BCAR3: variants seen among roughly 807,000 people sequenced by gnomAD.
BCAR3 encodes the protein BCAR3 adaptor protein, NSP family member.
In BCAR3, 37 loss-of-function variants were observed where a neutral mutation model predicts 80.1. The ratio of observed to expected loss-of-function variants is 0.46; its 90% confidence interval spans 0.36 to 0.61. The LOEUF is 0.61. BCAR3 is among the 20% of genes least tolerant of loss of function. The pLI is 0.00. For missense variants in BCAR3, 978 were observed against 1,068.2 expected (o/e 0.92, Z 1.18); for synonymous variants, 389 against 418.9 (o/e 0.93, Z 0.87).
At chr1:93,832,541 C>T (rs1654604968) in intron 2 of BCAR3, among the ~76,000 whole-genome samples, 1 of 152,152 alleles carries the variant, frequency 6.6e-6, no homozygotes, top group Non-Finnish European at 1.5e-5. Flanking sequence ...CTGACACTGC[C>T]CAATCACCTC....
intron 3 of BCAR3, among the ~76,000 whole-genome samples, chr1:93,638,010 G>A (rs1293759397): frequency 6.6e-6 from 1 of 152,206 alleles, no homozygotes; most frequent in African/African-American, 2.4e-5. Flanking sequence ...AGCACTTTGG[G>A]AGGCCGAGGT....
intron 2 of BCAR3, among the ~76,000 whole-genome samples, chr1:93,786,556 G>A (rs1052789322): frequency 2.0e-5 from 3 of 152,176 alleles, no homozygotes; most frequent in African/African-American, 7.2e-5. Context: ...AAGTCACTAA[G>A]CTTAGGAGTG....
intron 2 of BCAR3, among the ~76,000 whole-genome samples, chr1:93,666,709 G>A (rs1341362778): frequency 2.0e-5 from 3 of 152,238 alleles, no homozygotes; most frequent in Non-Finnish European, 2.9e-5. Context: ...CCCGTTCACT[G>A]AAGACAGGCT....
intron 1 of BCAR3, chr1:93,846,845 C>T: frequency 4.2e-6 from 2 of 476,230 alleles, no homozygotes; most frequent in South Asian, 1.5e-5. Context: ...GCGTCGCCCC[C>T]CTCAGTCCAC....
intron 3 of BCAR3, among the ~76,000 whole-genome samples, chr1:93,603,527 G>A (rs1203713660): frequency 6.6e-6 from 1 of 152,224 alleles, no homozygotes; most frequent in African/African-American, 2.4e-5. Flanking sequence ...GCCTCACTGG[G>A]CCCCTTGCTA....
At chr1:93,725,055 C>G (rs1036179225) in intron 2 of BCAR3, among the ~76,000 whole-genome samples, 1 of 152,332 alleles carries the variant, frequency 6.6e-6, no homozygotes, top group Admixed American at 6.5e-5. Context: ...TCACCCTGCT[C>G]TGCTTTGTCT....
At chr1:93,781,398 T>C (rs186992375) in intron 2 of BCAR3, among the ~76,000 whole-genome samples, 67 of 152,346 alleles carry the variant, frequency 4.4e-4, no homozygotes, top group Non-Finnish European at 7.1e-4. Context: ...AGAACAGCCA[T>C]AAAGGAACCG....
chr1:93,845,502 A>ATATATCAATATCATGTTGTCAAG, intron 2 of BCAR3: 2 of 113,826 alleles, frequency 1.8e-5, no homozygotes, highest in African/African-American at 7.0e-5. Context: ...ATATATATAT[A>ATATATCAATATCATGTTGTCAAG]AAACTTTGTT....
chr1:93,813,742 C>A (rs1209005572), intron 2 of BCAR3, among the ~76,000 whole-genome samples: 1 of 152,202 alleles, frequency 6.6e-6, no homozygotes, highest in Non-Finnish European at 1.5e-5. Flanking sequence ...AACATTGATA[C>A]AATACTACTA....
intron 2 of BCAR3, among the ~76,000 whole-genome samples, chr1:93,779,670 C>T (rs891819098): frequency 3.3e-5 from 5 of 152,246 alleles, no homozygotes; most frequent in African/African-American, 4.8e-5. Flanking sequence ...CTTCCTTCAG[C>T]GCTTTAAGTA....
At chr1:93,631,755 C>A (rs1469797871) in intron 3 of BCAR3, among the ~76,000 whole-genome samples, 1 of 152,180 alleles carries the variant, frequency 6.6e-6, no homozygotes, top group Non-Finnish European at 1.5e-5. Flanking sequence ...AATACAAATT[C>A]ACACAGAATG....
intron 2 of BCAR3, among the ~76,000 whole-genome samples, chr1:93,815,102 G>C (rs987412767): frequency 6.6e-6 from 1 of 152,198 alleles, no homozygotes; most frequent in Non-Finnish European, 1.5e-5. Flanking sequence ...TTGGGTAAAG[G>C]AAACAAGCTG....
chr1:93,800,808 G>A (rs1024442095), intron 2 of BCAR3, among the ~76,000 whole-genome samples: 1 of 152,110 alleles, frequency 6.6e-6, no homozygotes, highest in Non-Finnish European at 1.5e-5. Flanking sequence ...TATCGGTGTA[G>A]AAGGCTCCAA....
chr1:93,760,504 A>C lies in BCAR3; in HGVS notation c.-62-54362T>G, dbSNP rs1330608794. Among the ~76,000 whole-genome samples the C allele has an allele frequency of 2.0e-5, 3 of 152,166 alleles. No homozygotes were observed. In the East Asian group the frequency reaches 5.8e-4, roughly 29 times the overall value. ...GGAAGGGACAGATATGAGAGACATT[A>C]TGGAGACTAATAAAATAAAGATAAA... is the stretch of plus-strand genomic sequence containing the variant. On this transcript the variant is annotated intron_variant, in intron 2 of 13. Transcript: ENST00000370244.
At position 93,584,123 on chromosome 1, in the gene BCAR3, T is replaced by C; in HGVS notation, c.930-2A>G. ...TGGCTACCACTCTTTTCTTTGTTTC[T>C]GAAGTAAAAGACACATAGGATGGAA... On this transcript the variant is annotated splice_acceptor_variant, in intron 5 of 11. Coordinates refer to ENST00000260502, the MANE Select transcript of BCAR3 (RefSeq NM_003567.4). LOFTEE classifies it high-confidence loss of function. 1 of 1,613,670 alleles carries C rather than the reference T, an allele frequency of 6.2e-7. No individual in the cohort carries two copies. Among genetic ancestry groups the C allele is most frequent in the Non-Finnish European group, 8.5e-7 (1 of 1,179,700 alleles).
intron 2 of BCAR3, among the ~76,000 whole-genome samples, chr1:93,844,116 G>C (rs191425041): frequency 2.0e-5 from 3 of 152,222 alleles, no homozygotes; most frequent in Non-Finnish European, 4.4e-5. Flanking sequence ...AGACCTGCCT[G>C]GACAACATGG....
chr1:93,663,300 C>T (rs1647748575), intron 2 of BCAR3, among the ~76,000 whole-genome samples: 2 of 152,194 alleles, frequency 1.3e-5, no homozygotes. Flanking sequence ...TGTTTCTTTA[C>T]AGCCCAGAGC....
At chr1:93,701,255 C>A (rs1649628984) in intron 3 of BCAR3, among the ~76,000 whole-genome samples, 2 of 152,196 alleles carry the variant, frequency 1.3e-5, no homozygotes, top group African/African-American at 4.8e-5. Flanking sequence ...TTGAAGGGAG[C>A]TGTGTGGCTG....
At chr1:93,682,892 C>T (rs1202424658), upstream of BCAR3, among the ~76,000 whole-genome samples, 1 of 152,092 alleles carries the variant, frequency 6.6e-6, no homozygotes, top group African/African-American at 2.4e-5. Flanking sequence ...ACCAATAACA[C>T]GATCCAAAGA....
Sources: gnomAD v4.1 joint callset for allele counts (sites outside exome capture counted in the v4.1 genomes callset) on GRCh38, gnomAD v4.1.1 for gene constraint, MANE v1.5 for transcripts, NCBI Gene and HGNC (gene_info 2026-07-23, HGNC 2026-07-21) for gene names.